The following EDARADD variants were observed in gnomAD, a reference collection of about 807,000 sequenced individuals.
EDARADD encodes the protein EDAR associated via death domain, also known as ectodysplasin-A receptor-associated adapter protein.
Under a neutral mutation model 25.6 loss-of-function variants are expected in EDARADD, and 20 were observed. The observed-to-expected ratio is 0.78, with a 90% CI of 0.55 to 1.14. The LOEUF (loss-of-function observed/expected upper bound fraction) is 1.14, where lower values mean the gene tolerates loss of function less well. EDARADD is among the 50% of genes most tolerant of loss of function. The probability of loss-of-function intolerance (pLI) is 0.00; values close to 1 mark genes in which losing one functional copy is unlikely to be tolerated. For missense variants in EDARADD, 225 were observed against 270.1 expected (o/e 0.83, Z 1.17); for synonymous variants, 86 against 94.4 (o/e 0.91, Z 0.52).
intron 4 of EDARADD, among the ~76,000 whole-genome samples, chr1:236,467,839 C>T (rs1659257594): frequency 6.6e-6 from 1 of 152,000 alleles, no homozygotes; most frequent in Non-Finnish European, 1.5e-5. Context: ...CTCACTGCAG[C>T]CTCCAGCTTC....
At chr1:236,431,927 C>CAAAAAAAAA (rs1170622280) in intron 4 of EDARADD, among the ~76,000 whole-genome samples, 1 of 17,986 alleles carries the variant, frequency 5.6e-5, no homozygotes, top group Non-Finnish European at 2.5e-4. Flanking sequence ...GACTCCGTCT[C>CAAAAAAAAA]AAAAAAAAAA....
intron 3 of EDARADD, among the ~76,000 whole-genome samples, chr1:236,380,068 C>T (rs942289965): frequency 2.6e-5 from 4 of 152,192 alleles, no homozygotes; most frequent in African/African-American, 4.8e-5. Context: ...GTGCCCGTAC[C>T]TGCCTCTCAG....
rs12091177 is a variant in EDARADD, at chr1:236,378,304, C to T, written c.-6+27465C>T. ...CACAAGGGGATTTTTCTCCAGGAGT[C>T]ACTGTGTGAACCTGGGGGAGCTTCT... On this transcript the variant is annotated intron_variant, in intron 3 of 7. Coordinates refer to the EDARADD transcript ENST00000439430. Among the ~76,000 whole-genome samples, 495 of 152,304 alleles carry T rather than the reference C, an allele frequency of 3.3e-3. 1 individual carries two copies. The highest frequency in any genetic ancestry group is 0.011 in the African/African-American group (470 of 41,560).
intron 4 of EDARADD, among the ~76,000 whole-genome samples, chr1:236,448,804 G>C (rs1300344309): frequency 6.6e-6 from 1 of 152,186 alleles, no homozygotes; most frequent in East Asian, 1.9e-4. Context: ...GACATTAGAA[G>C]TGGAAGGAGC....
chr1:236,415,015 C>T (rs1424404608), intron 3 of EDARADD, among the ~76,000 whole-genome samples: 4 of 152,146 alleles, frequency 2.6e-5, no homozygotes, highest in African/African-American at 9.7e-5. Context: ...AGGATTTCCC[C>T]CCGTGGAGGG....
chr1:236,368,440 C>CTTTTTTTT (rs59201705), intron 3 of EDARADD, among the ~76,000 whole-genome samples: 36 of 124,154 alleles, frequency 2.9e-4, no homozygotes, highest in African/African-American at 9.6e-4. Flanking sequence ...CCAGTCTTTT[C>CTTTTTTTT]TTTTTTTTTT....
chr1:236,483,397 T>G lies in EDARADD; in HGVS notation c.*748T>G. The G allele has an allele frequency of 1.5e-6, 2 of 1,305,998 alleles. No homozygotes were observed. Among genetic ancestry groups the G allele is most frequent in the Non-Finnish European group, 2.2e-6 (2 of 902,126 alleles). The allele number at this position is 1,305,998 out of a possible 1,614,324, so 80.9% of individuals were successfully genotyped here. A position where few individuals can be genotyped will look rare whatever the true frequency, so the allele number is the denominator to read the frequency against. On this transcript the variant is annotated 3_prime_UTR_variant, in exon 6 of 6. Transcript: ENST00000334232. ...AATAAAACTATTGCACCTGTCCTGGTTAGCAAGAAACTGAACGTCACAGAA... is the reference window on the plus strand; with the variant it reads ...AATAAAACTATTGCACCTGTCCTGGGTAGCAAGAAACTGAACGTCACAGAA...
chr1:236,356,054 T>C (rs941739555), intron 3 of EDARADD, among the ~76,000 whole-genome samples: 2 of 152,208 alleles, frequency 1.3e-5, no homozygotes, highest in Non-Finnish European at 2.9e-5. Context: ...CAGCATCTTA[T>C]CAGACTCCTG....
chr1:236,472,168 G>A (rs191157667), intron 5 of EDARADD, among the ~76,000 whole-genome samples: 37 of 152,300 alleles, frequency 2.4e-4, no homozygotes, highest in African/African-American at 8.4e-4. Context: ...CCACTCATCA[G>A]GTTGAGAGTG....
At chr1:236,361,098 A>G (rs1012791685) in intron 3 of EDARADD, among the ~76,000 whole-genome samples, 19 of 152,180 alleles carry the variant, frequency 1.2e-4, no homozygotes, top group Non-Finnish European at 1.5e-4. Flanking sequence ...AACAAAGTGC[A>G]CATATCTAAA....
intron 3 of EDARADD, among the ~76,000 whole-genome samples, chr1:236,386,881 G>GC (rs551964782): frequency 4.6e-4 from 31 of 66,886 alleles, no homozygotes; most frequent in Admixed American, 7.8e-4. Context: ...TGGGGGGTCA[G>GC]CCCCCCCGCC....
intron 3 of EDARADD, among the ~76,000 whole-genome samples, chr1:236,419,617 A>G (rs759078563): frequency 4.6e-5 from 7 of 152,122 alleles, no homozygotes; most frequent in Non-Finnish European, 8.8e-5. Flanking sequence ...GGAGATTCCA[A>G]CTAAGGCGGT....
upstream of EDARADD, among the ~76,000 whole-genome samples, chr1:236,389,500 A>G (rs1308900160): frequency 1.3e-5 from 2 of 152,204 alleles, no homozygotes; most frequent in African/African-American, 2.4e-5. Flanking sequence ...GTATTGCATA[A>G]GTGAAGAGAG....
chr1:236,373,554 A>G (rs1435351837), intron 3 of EDARADD, among the ~76,000 whole-genome samples: 1 of 152,064 alleles, frequency 6.6e-6, no homozygotes, highest in African/African-American at 2.4e-5. Flanking sequence ...TTCTTTTTCT[A>G]GGTTAGCTTT....
intron 5 of EDARADD, among the ~76,000 whole-genome samples, chr1:236,478,906 G>A (rs984655982): frequency 3.3e-5 from 5 of 152,094 alleles, no homozygotes; most frequent in African/African-American, 1.2e-4. Flanking sequence ...TCTAAGTGAA[G>A]TAACTCAGGA....
intron 1 of EDARADD, 92 bp downstream of exon 1, chr1:236,394,597 C>A: frequency 1.8e-6 from 2 of 1,092,596 alleles, no homozygotes; most frequent in Admixed American, 2.3e-5. Context: ...ATATATTATA[C>A]ACTAAATACT....
chr1:236,384,976 A>G (rs1203378699), intron 3 of EDARADD, among the ~76,000 whole-genome samples: 2 of 152,032 alleles, frequency 1.3e-5, no homozygotes, highest in Non-Finnish European at 2.9e-5. Context: ...AATTAATATA[A>G]ATTAATTTAT....
intron 3 of EDARADD, among the ~76,000 whole-genome samples, chr1:236,381,372 T>C (rs560773436): frequency 1.2e-4 from 18 of 152,200 alleles, no homozygotes; most frequent in African/African-American, 4.3e-4. Flanking sequence ...CTTTAAGTTC[T>C]AGGGTACATG....
At chr1:236,439,163 T>G (rs1324431015) in intron 4 of EDARADD, among the ~76,000 whole-genome samples, 3 of 152,252 alleles carry the variant, frequency 2.0e-5, no homozygotes, top group Non-Finnish European at 4.4e-5. Flanking sequence ...TTTCTTGCTG[T>G]CTTTTCACTG....
Sources: allele counts gnomAD v4.1 joint callset (sites outside exome capture counted in the v4.1 genomes callset), GRCh38; gene constraint gnomAD v4.1.1; transcripts MANE v1.5; gene names NCBI Gene and HGNC (gene_info 2026-07-23, HGNC 2026-07-21).